PDSS2: variants seen among roughly 807,000 people sequenced by gnomAD.
The protein encoded by PDSS2 is decaprenyl diphosphate synthase subunit 2, also known as all trans-polyprenyl-diphosphate synthase PDSS2.
Under a neutral mutation model 44.5 loss-of-function variants are expected in PDSS2, and 31 were observed. The ratio of observed to expected loss-of-function variants is 0.70; its 90% CI spans 0.52 to 0.94. PDSS2 has a LOEUF of 0.94. Ranked by LOEUF, PDSS2 falls within the 40% of genes least tolerant of loss-of-function variation. The pLI is 0.00. For missense variants in PDSS2, 452 were observed against 482.2 expected (o/e 0.94, Z 0.59); for synonymous variants, 157 against 180.3 (o/e 0.87, Z 1.03).
chr6:107,418,545 G>T (rs1304401393), intron 1 of PDSS2, among the ~76,000 whole-genome samples: 1 of 152,196 alleles, frequency 6.6e-6, no homozygotes, highest in African/African-American at 2.4e-5. Context: ...GCCAAGGCAG[G>T]TGGATCATTT....
intron 1 of PDSS2, among the ~76,000 whole-genome samples, chr6:107,438,368 C>T (rs1352518380): frequency 3.3e-5 from 5 of 152,022 alleles, no homozygotes; most frequent in Admixed American, 6.6e-5. Context: ...ACCACCACAC[C>T]GGCTAATTTT....
chr6:107,168,169 G>C (rs1771423812), intron 7 of PDSS2, among the ~76,000 whole-genome samples: 1 of 152,074 alleles, frequency 6.6e-6, no homozygotes, highest in Non-Finnish European at 1.5e-5. Flanking sequence ...TCCTGTATTG[G>C]GTGCATATAT....
At chr6:107,359,202 G>A (rs1245088116) in intron 1 of PDSS2, among the ~76,000 whole-genome samples, 1 of 151,478 alleles carries the variant, frequency 6.6e-6, no homozygotes, top group African/African-American at 2.4e-5. Flanking sequence ...AGTAGAGACA[G>A]GGCTTCATCA....
At chr6:107,165,429 A>C (rs1360440703) in intron 7 of PDSS2, among the ~76,000 whole-genome samples, 16 of 152,004 alleles carry the variant, frequency 1.1e-4, no homozygotes, top group Admixed American at 3.9e-4. Context: ...GGAATCCTTT[A>C]CCCATTTCTT....
chr6:107,444,691 TA>T (rs2114822392), intron 1 of PDSS2, among the ~76,000 whole-genome samples: 1 of 152,312 alleles, frequency 6.6e-6, no homozygotes, highest in African/African-American at 2.4e-5. Flanking sequence ...TGGAAGAGAC[TA>T]AAATTAAATT....
intron 7 of PDSS2, among the ~76,000 whole-genome samples, chr6:107,169,462 CCTT>C (rs781947443): frequency 1.3e-5 from 2 of 152,166 alleles, no homozygotes; most frequent in Non-Finnish European, 2.9e-5. Context: ...TCATCTGAAG[CCTT>C]CTTCTCTCAA....
At chr6:107,365,602 A>G (rs1423123027) in intron 1 of PDSS2, among the ~76,000 whole-genome samples, 2 of 152,214 alleles carry the variant, frequency 1.3e-5, no homozygotes, top group African/African-American at 2.4e-5. Flanking sequence ...TTAAAAAGCA[A>G]GACCTAACTA....
intron 5 of PDSS2, among the ~76,000 whole-genome samples, chr6:107,211,717 A>T (rs1773221901): frequency 6.8e-6 from 1 of 147,926 alleles, no homozygotes; most frequent in Admixed American, 6.8e-5. Context: ...CCTGGGTGAC[A>T]GAGCGAGACT....
At chr6:107,433,036 G>T (rs1781240646) in intron 1 of PDSS2, among the ~76,000 whole-genome samples, 1 of 151,558 alleles carries the variant, frequency 6.6e-6, no homozygotes, top group Non-Finnish European at 1.5e-5. Context: ...GTATCTTTCT[G>T]TTCTGACTTA....
intron 3 of PDSS2, among the ~76,000 whole-genome samples, chr6:107,272,028 G>A (rs1435487301): frequency 1.3e-5 from 2 of 150,820 alleles, no homozygotes; most frequent in African/African-American, 4.9e-5. Context: ...CTGCACTCCA[G>A]CCTAGGTTAC....
intron 1 of PDSS2, among the ~76,000 whole-genome samples, chr6:107,444,808 C>T (rs1347216563): frequency 6.6e-6 from 1 of 152,072 alleles, no homozygotes; most frequent in Non-Finnish European, 1.5e-5. Context: ...AACATAAAGT[C>T]CCTACAAAGG....
rs372693235 is a variant in PDSS2 at position 107,300,300 on chromosome 6, C to T, written c.432-26073G>A. Among the ~76,000 whole-genome samples the T allele has an allele frequency of 2.0e-5, 3 of 152,276 alleles. No homozygotes were observed. In the East Asian group the frequency reaches 5.8e-4, roughly 29 times the overall value. On this transcript the variant is annotated intron_variant, in intron 2 of 7. Transcript: ENST00000369037. The stretch of plus-strand genomic sequence containing the variant: ...GATGTTGATGACATTGAAGGCACCC[C>T]TCCTGAGGAAATCTCAACTGCACGA...
chr6:107,221,379 A>G (rs1460049586), intron 4 of PDSS2, among the ~76,000 whole-genome samples: 3 of 149,792 alleles, frequency 2.0e-5, no homozygotes, highest in East Asian at 3.9e-4. Flanking sequence ...AGATACACCT[A>G]TATCATCAAC....
At chr6:107,402,451 C>CAAATATATATACGTATATATATGTAT (rs1562515999) in intron 1 of PDSS2, among the ~76,000 whole-genome samples, 4 of 8,120 alleles carry the variant, frequency 4.9e-4, no homozygotes, top group Admixed American at 6.9e-4. Context: ...CACACACACA[C>CAAATATATATACGTATATATATGTAT]ACATATATAT....
At chr6:107,405,229 C>T (rs1780273840) in intron 1 of PDSS2, among the ~76,000 whole-genome samples, 1 of 151,812 alleles carries the variant, frequency 6.6e-6, no homozygotes, top group African/African-American at 2.4e-5. Context: ...CCTAGACAAG[C>T]AAATGCTGTA....
At chr6:107,193,935 G>A in intron 6 of PDSS2, 81 bp from the exon 7 acceptor site, 2 of 853,914 alleles carry the variant, frequency 2.3e-6, no homozygotes, top group Non-Finnish European at 4.1e-6. Flanking sequence ...TCAAAGAATA[G>A]AACTCAGCTT....
At chr6:107,165,039 A>G (rs1771291778) in intron 7 of PDSS2, among the ~76,000 whole-genome samples, 1 of 151,738 alleles carries the variant, frequency 6.6e-6, no homozygotes, top group Non-Finnish European at 1.5e-5. Flanking sequence ...AATTTGTTTG[A>G]GTTCTTTGTA....
Position 107,274,146 on chromosome 6 carries a change from C to G in PDSS2, c.513G>C (p.Leu171Phe). The G allele has an allele frequency of 6.2e-7, 1 of 1,613,590 alleles. No individual in the cohort carries two copies. Among genetic ancestry groups the G allele is most frequent in the Non-Finnish European group, 8.5e-7 (1 of 1,179,504 alleles). ...VHRGIVNLNE[L>F]QSSDGPLKDM... ...CTTTCAGTGGACCATCAGATGATTG[C>G]AACTCATTTAAATTTACTATCCCAC... Residue 171 changes from leucine to phenylalanine, a missense_variant, in exon 3 of 8, where the codon TTG (leucine) becomes TTC (phenylalanine). By Grantham distance (22) the Leu-to-Phe change is conservative. Transcript: ENST00000369037.
intron 1 of PDSS2, among the ~76,000 whole-genome samples, chr6:107,430,209 T>C (rs1028697508): frequency 1.3e-5 from 2 of 151,950 alleles, no homozygotes; most frequent in Non-Finnish European, 2.9e-5. Flanking sequence ...TCAAAAGTTC[T>C]AAAACCTAGG....
Sources: allele counts gnomAD v4.1 joint callset (sites outside exome capture counted in the v4.1 genomes callset), GRCh38; gene constraint gnomAD v4.1.1; transcripts MANE v1.5; gene names NCBI Gene and HGNC (gene_info 2026-07-23, HGNC 2026-07-21).